The following CSGALNACT1 variants were observed in gnomAD, a reference collection of about 807,000 sequenced individuals.
CSGALNACT1 encodes chondroitin sulfate N-acetylgalactosaminyltransferase 1, also known as beta4GalNAcT-1.
In CSGALNACT1, 52 loss-of-function variants were observed where a neutral mutation model predicts 51.0. The observed-to-expected ratio is 1.02, with a 90% CI of 0.82 to 1.29. The LOEUF is 1.29. CSGALNACT1 is among the 50% of genes most tolerant of loss of function. The pLI is 0.00. For synonymous variants in CSGALNACT1, 341 were observed against 254.4 expected (o/e 1.34, Z -3.24); for missense variants, 935 against 679.2 (o/e 1.38, Z -4.19).
chr8:19,630,993 T>C (rs907772552), intron 1 of CSGALNACT1, among the ~76,000 whole-genome samples: 9 of 152,292 alleles, frequency 5.9e-5, no homozygotes, highest in East Asian at 1.9e-4. Flanking sequence ...ATTGTTTTCA[T>C]TGGAGCTCGC....
chr8:19,506,279 C>T, intron 3 of CSGALNACT1, 149 bp from the exon 3 acceptor site: 2 of 360,964 alleles, frequency 5.5e-6, no homozygotes, highest in Non-Finnish European at 1.1e-5. Context: ...GTGTATAAAT[C>T]AGAACACAAA....
Position 19,535,126 on chromosome 8 carries a change from T to C in CSGALNACT1, c.-296-28996A>G, listed in dbSNP as rs963252998. 1.3e-5 allele frequency among the ~76,000 whole-genome samples: 2 copies of C among 152,216 alleles called. 1 individual carries two copies. The highest frequency in any genetic ancestry group is 2.9e-5 in the Non-Finnish European group (2 of 68,030). On this transcript the variant is annotated intron_variant, in intron 3 of 9. Coordinates refer to ENST00000454498, the Ensembl canonical transcript of CSGALNACT1. ...TGTGAAGAAATAGGTTCCTAACACA[T>C]TTAAACATTTTAAACCTATTTCCAA...
At chr8:19,461,895 C>A (rs1295928473) in intron 4 of CSGALNACT1, among the ~76,000 whole-genome samples, 5 of 150,730 alleles carry the variant, frequency 3.3e-5, no homozygotes, top group Admixed American at 6.6e-5. Flanking sequence ...GCCACATTTA[C>A]CATGGAGGGT....
chr8:19,506,955 G>A (rs1268516567), intron 3 of CSGALNACT1, among the ~76,000 whole-genome samples: 2 of 152,212 alleles, frequency 1.3e-5, no homozygotes, highest in African/African-American at 2.4e-5. Flanking sequence ...GCCAGCAGGC[G>A]TGGATGCAGC....
In CSGALNACT1 at chr8:19,530,550, A is replaced by G. The variant is rs189576921; in HGVS notation, c.-296-24420T>C. 3.4e-4 allele frequency among the ~76,000 whole-genome samples: 52 copies of G among 152,292 alleles called. 1 individual carries two copies. The highest frequency in any genetic ancestry group is 1.2e-3 in the African/African-American group (48 of 41,554). On this transcript the variant is annotated intron_variant, in intron 3 of 9. Coordinates refer to ENST00000454498, the Ensembl canonical transcript of CSGALNACT1. Reference sequence around the variant, plus strand: ...AAACTCTTACTTCTAAAAAAATGTAAAACCGATAGCACAGCAGAAAAAAGT... The same window carrying G: ...AAACTCTTACTTCTAAAAAAATGTAGAACCGATAGCACAGCAGAAAAAAGT...
intron 4 of CSGALNACT1, among the ~76,000 whole-genome samples, chr8:19,487,765 T>A (rs981060302): frequency 1.3e-5 from 2 of 152,094 alleles, no homozygotes; most frequent in African/African-American, 4.8e-5. Context: ...CATCTTCTAA[T>A]AGGATTTCTA....
At chr8:19,663,001 A>G (rs2058891018) in intron 1 of CSGALNACT1, among the ~76,000 whole-genome samples, 1 of 152,204 alleles carries the variant, frequency 6.6e-6, no homozygotes, top group Non-Finnish European at 1.5e-5. Flanking sequence ...AAGGGGGAAA[A>G]AAGTGCTAGT....
At chr8:19,520,058 C>G (rs2080345062) in intron 3 of CSGALNACT1, among the ~76,000 whole-genome samples, 7 of 152,226 alleles carry the variant, frequency 4.6e-5, no homozygotes, top group African/African-American at 1.4e-4. Context: ...AAGAATGAAA[C>G]TGTTACTTTT....
chr8:19,685,492 A>C (rs2060920356), upstream of CSGALNACT1, among the ~76,000 whole-genome samples: 1 of 152,202 alleles, frequency 6.6e-6, no homozygotes, highest in African/African-American at 2.4e-5. Flanking sequence ...CCCCAAAAAC[A>C]AAACAAGAAA....
At chr8:19,513,369 A>C (rs1450734915) in intron 3 of CSGALNACT1, among the ~76,000 whole-genome samples, 2 of 147,338 alleles carry the variant, frequency 1.4e-5, no homozygotes, top group Non-Finnish European at 3.0e-5. Flanking sequence ...TAACGCTCCC[A>C]ATTCCTACAC....
chr8:19,627,467 G>C lies in CSGALNACT1; in HGVS notation c.-543-25602C>G, dbSNP rs150412120. Among the ~76,000 whole-genome samples, 12 of 152,168 alleles carry C rather than the reference G, an allele frequency of 7.9e-5. No homozygotes were observed. In the East Asian group the frequency reaches 2.3e-3, roughly 29 times the overall value. On this transcript the variant is annotated intron_variant, in intron 1 of 9. Transcript: ENST00000332246. ...ACTTGGTATCCCTACTCTGGCAGTA[G>C]TTACACACATCTAGAGAGGTAATAA...
At chr8:19,635,848 C>T (rs995056768) in intron 1 of CSGALNACT1, among the ~76,000 whole-genome samples, 10 of 152,174 alleles carry the variant, frequency 6.6e-5, no homozygotes, top group Admixed American at 3.3e-4. Context: ...CTGCCTCGGC[C>T]TCCTGAGTAG....
intron 1 of CSGALNACT1, among the ~76,000 whole-genome samples, chr8:19,623,186 G>T (rs2054040725): frequency 6.6e-6 from 1 of 152,142 alleles, no homozygotes; most frequent in African/African-American, 2.4e-5. Context: ...AGACTTTAAG[G>T]GAAGAACCAC....
chr8:19,409,615 C>T (rs2055212166), intron 8 of CSGALNACT1, among the ~76,000 whole-genome samples: 1 of 152,132 alleles, frequency 6.6e-6, no homozygotes, highest in South Asian at 2.1e-4. Flanking sequence ...ATAATTCATT[C>T]TTGCAGTTAA....
intron 1 of CSGALNACT1, among the ~76,000 whole-genome samples, chr8:19,627,546 G>T (rs563788873): frequency 6.6e-6 from 1 of 152,164 alleles, no homozygotes; most frequent in South Asian, 2.1e-4. Flanking sequence ...CATAAGGCCA[G>T]GCATGGTGAT....
At chr8:19,489,569 G>T (rs190133068) in intron 4 of CSGALNACT1, among the ~76,000 whole-genome samples, 1 of 152,094 alleles carries the variant, frequency 6.6e-6, no homozygotes, top group Non-Finnish European at 1.5e-5. Context: ...CAGGCAACGT[G>T]CTTAATATTA....
At position 19,420,114 on chromosome 8, in the gene CSGALNACT1, A is replaced by G. The variant is rs183282349; in HGVS notation, c.1132+226T>C. Among the ~76,000 whole-genome samples the G allele has an allele frequency of 7.1e-4, 108 of 152,310 alleles. No individual in the cohort carries two copies. The Middle Eastern group carries it at 0.017, about 24-fold the overall frequency. On this transcript the variant is annotated intron_variant, in intron 7 of 9. Coordinates refer to ENST00000454498, the Ensembl canonical transcript of CSGALNACT1. Reference sequence around the variant, plus strand: ...GAGGCCTCCCCAGCCATGCAGAACTATGAGTCCATTAAACCTCTTTCCTTT... The same window carrying G: ...GAGGCCTCCCCAGCCATGCAGAACTGTGAGTCCATTAAACCTCTTTCCTTT...
chr8:19,544,840 G>C (rs998710146), intron 3 of CSGALNACT1, among the ~76,000 whole-genome samples: 3 of 152,076 alleles, frequency 2.0e-5, no homozygotes, highest in African/African-American at 7.2e-5. Flanking sequence ...CCAAGTAAAA[G>C]CTGTGTATCT....
At chr8:19,601,557 T>C (rs2050428727) in intron 2 of CSGALNACT1, among the ~76,000 whole-genome samples, 1 of 152,244 alleles carries the variant, frequency 6.6e-6, no homozygotes, top group Non-Finnish European at 1.5e-5. Flanking sequence ...TAGATGTAGA[T>C]GTTACAGCCT....
Sources: allele counts gnomAD v4.1 joint callset (sites outside exome capture counted in the v4.1 genomes callset), GRCh38; gene constraint gnomAD v4.1.1; transcripts MANE v1.5; gene names NCBI Gene and HGNC (gene_info 2026-07-23, HGNC 2026-07-21).